Variants in KCNK10 observed in about 807,000 individuals in gnomAD.
KCNK10 encodes the protein potassium channel subfamily K member 10.
KCNK10 carries 25 observed loss-of-function variants against 47.7 expected under a neutral mutation model. The ratio of observed to expected loss-of-function variants is 0.52; its 90% CI spans 0.38 to 0.73. The LOEUF is 0.73. Among genes scored for constraint, KCNK10 ranks in the 30% least tolerant of loss-of-function variants. The pLI is 0.00. For synonymous variants in KCNK10, 303 were observed against 285.6 expected, an observed-to-expected ratio of 1.06 and a Z score of -0.61; for missense variants, 563 against 714.5, an observed-to-expected ratio of 0.79 and a Z score of 2.42.
intron 3 of KCNK10, among the ~76,000 whole-genome samples, chr14:88,239,515 CT>C (rs1427947943): frequency 1.3e-5 from 2 of 152,306 alleles, no homozygotes; most frequent in African/African-American, 2.4e-5. Context: ...CGAATACATG[CT>C]GGTTAACGAA....
In KCNK10 at chr14:88,272,280, G is replaced by A. The variant is rs995706084; in HGVS notation, c.53-8729C>T. Reference sequence around the variant, plus strand: ...ATTATTAGGAGGTGAAGAAAACTACGTGTTCTATGCAAGCAAATGCAACAA... The same window carrying A: ...ATTATTAGGAGGTGAAGAAAACTACATGTTCTATGCAAGCAAATGCAACAA... On this transcript the variant is annotated intron_variant, in intron 1 of 6. Coordinates refer to ENST00000319231, the MANE Select transcript of KCNK10 (RefSeq NM_138317.3). 3.3e-5 allele frequency among the ~76,000 whole-genome samples: 5 copies of A among 152,320 alleles called. No homozygotes were observed. In the East Asian group the frequency reaches 5.8e-4, roughly 18 times the overall value.
chr14:88,204,030 GACAAAGGATATTT>G (rs1271475594), intron 4 of KCNK10, among the ~76,000 whole-genome samples: 1 of 152,126 alleles, frequency 6.6e-6, no homozygotes, highest in East Asian at 1.9e-4. Context: ...GATTTCTTTG[GACAAAGGATATTT>G]ACAGGATTTT....
intron 4 of KCNK10, among the ~76,000 whole-genome samples, chr14:88,195,652 C>T (rs1467895113): frequency 6.6e-6 from 1 of 152,118 alleles, no homozygotes; most frequent in Non-Finnish European, 1.5e-5. Flanking sequence ...AGTCGCAGCT[C>T]ACAATCTTGG....
At chr14:88,218,757 G>T (rs1885704525) in intron 4 of KCNK10, among the ~76,000 whole-genome samples, 1 of 152,010 alleles carries the variant, frequency 6.6e-6, no homozygotes, top group Non-Finnish European at 1.5e-5. Flanking sequence ...TAATCAGCCT[G>T]GCCCAGCAAG....
rs369459656 is a variant in KCNK10, at chr14:88,263,529, C to A, written c.75G>T (p.Pro25=). The change falls in exon 2 of 7, where the codon CCG becomes CCT. Residue 25 remains proline (P), a synonymous_variant. Coordinates refer to ENST00000319231, the MANE Select transcript of KCNK10 (RefSeq NM_138317.3). ...DPKVAVPAAA[P]VCQPKSATNG... Reference sequence around the variant, plus strand: ...TAGTGGCGCTCTTGGGCTGGCACACCGGTGCTGCTGCGGGAACGGCCACTG... The same window carrying A: ...TAGTGGCGCTCTTGGGCTGGCACACAGGTGCTGCTGCGGGAACGGCCACTG... The A allele has an allele frequency of 6.2e-7, 1 of 1,612,064 alleles. No individual in the cohort carries two copies. The highest frequency in any genetic ancestry group is 8.5e-7 in the Non-Finnish European group (1 of 1,179,834).
intron 4 of KCNK10, among the ~76,000 whole-genome samples, chr14:88,217,829 T>G (rs1269033179): frequency 6.6e-6 from 1 of 151,998 alleles, no homozygotes; most frequent in African/African-American, 2.4e-5. Flanking sequence ...TTCAAGTGAT[T>G]CTCCTGCCTC....
intron 1 of KCNK10, among the ~76,000 whole-genome samples, chr14:88,303,883 C>T (rs968663762): frequency 2.0e-5 from 3 of 152,156 alleles, no homozygotes; most frequent in African/African-American, 7.2e-5. Flanking sequence ...TCCTGAATCG[C>T]ACACTCAAGT....
In KCNK10 at chr14:88,323,099, A is replaced by C; in HGVS notation, c.-301T>G. On this transcript the variant is annotated 5_prime_UTR_variant, in exon 1 of 7. Transcript: ENST00000319231. ...AGGATGGAGAGGAAGGCTTGGGGAG[A>C]TGGAAGAGCCAAGCTGCTTCCCAAA... The C allele has an allele frequency of 8.2e-7, 1 of 1,212,320 alleles. No individual in the cohort carries two copies. The allele number at this position is 1,212,320 out of a possible 1,614,324, so 75.1% of individuals were successfully genotyped here.
rs1037145086 is a variant in KCNK10, at chr14:88,180,388, T to C, written c.*5147A>G. ...TGTCACTGGGTCCCCTGTCTGTGACTCTGGGATGGGAAGGAGGCCAGAGGC... is the reference window on the plus strand; with the variant it reads ...TGTCACTGGGTCCCCTGTCTGTGACCCTGGGATGGGAAGGAGGCCAGAGGC... On this transcript the variant is annotated 3_prime_UTR_variant, in exon 7 of 7. Transcript: ENST00000319231. The C allele has an allele frequency of 6.1e-6, 1 of 162,602 alleles. No homozygotes were observed. Among genetic ancestry groups the C allele is most frequent in the African/African-American group, 2.4e-5 (1 of 41,852 alleles). 10.1% of individuals were successfully genotyped at this position (162,602 alleles called of 1,614,324 possible). A position where few individuals can be genotyped will look rare whatever the true frequency, so the allele number is the denominator to read the frequency against.
intron 1 of KCNK10, among the ~76,000 whole-genome samples, chr14:88,310,702 C>A (rs1327169089): frequency 6.6e-6 from 1 of 152,152 alleles, no homozygotes. Flanking sequence ...TTTTGGGAGG[C>A]CTTCCAAGCT....
rs1353361503 is a variant in KCNK10 at position 88,252,488 on chromosome 14, T to G, written c.402+10714A>C. Among the ~76,000 whole-genome samples, 4 of 152,150 alleles carry G rather than the reference T, an allele frequency of 2.6e-5. No homozygotes were observed. The East Asian group carries it at 7.7e-4, about 29-fold the overall frequency. On this transcript the variant is annotated intron_variant, in intron 2 of 6. Coordinates refer to ENST00000319231, the MANE Select transcript of KCNK10 (RefSeq NM_138317.3). The stretch of plus-strand genomic sequence containing the variant: ...GGCAGAGCCACAGCCTTGGGAAATG[T>G]TTATGGGTCATGCAAATTACCAAGG...
rs1888574750 is a variant in KCNK10 at position 88,322,770 on chromosome 14, T to G, written c.29A>C (p.Lys10Thr). The G allele has an allele frequency of 6.2e-7, 1 of 1,614,040 alleles. No individual in the cohort carries two copies. Among genetic ancestry groups the G allele is most frequent in the Non-Finnish European group, 8.5e-7 (1 of 1,180,028 alleles). The change falls in exon 1 of 7, where the codon AAA (lysine) becomes ACA (threonine). Residue 10 changes from lysine to threonine, a missense_variant. Physicochemically the swap from Lys to Thr is moderately conservative, Grantham distance 78. Transcript: ENST00000319231. This position sits in a 1 kb window ranked among gnomAD's most constrained non-coding sequence, Gnocchi z 4.8. MKFPIETPR[K>T]QVNWDPKVAV... is the part of the protein sequence containing the mutation. The stretch of plus-strand genomic sequence containing the variant: ...ACCTTTAGGATCCCAGTTCACCTGT[T>G]TTCTTGGCGTCTCGATTGGAAATTT...
intron 2 of KCNK10, among the ~76,000 whole-genome samples, chr14:88,261,158 G>A (rs1411346667): frequency 2.0e-5 from 3 of 152,206 alleles, no homozygotes; most frequent in African/African-American, 7.2e-5. Context: ...TAGGTCACAT[G>A]TGGAGGAAAA....
At chr14:88,261,861 T>G (rs1887122293) in intron 2 of KCNK10, among the ~76,000 whole-genome samples, 3 of 152,252 alleles carry the variant, frequency 2.0e-5, no homozygotes, top group Admixed American at 2.0e-4. Flanking sequence ...AACATTTTAT[T>G]TTTTTGAGAA....
upstream of KCNK10, among the ~76,000 whole-genome samples, chr14:88,324,408 C>T (rs1311248352): frequency 6.6e-6 from 1 of 152,200 alleles, no homozygotes; most frequent in South Asian, 2.1e-4. Flanking sequence ...AGTAGGTGCT[C>T]AAGAAATACT....
chr14:88,318,446 T>C (rs181343907), intron 1 of KCNK10, among the ~76,000 whole-genome samples: 17 of 152,294 alleles, frequency 1.1e-4, no homozygotes, highest in Admixed American at 6.5e-5. Flanking sequence ...TCATGACAAG[T>C]GCCAGTAAGA....
Position 88,322,408 on chromosome 14 carries a change from G to GAC in KCNK10, c.52+337_52+338dup, listed in dbSNP as rs35179933. On this transcript the variant is annotated intron_variant, in intron 1 of 6. Coordinates refer to ENST00000319231, the MANE Select transcript of KCNK10 (RefSeq NM_138317.3). This position sits in a 1 kb window ranked among gnomAD's most constrained non-coding sequence, Gnocchi z 4.8. ...GAGACAAAGATCACCAGAAACAAAG[G>GAC]ACACACACACACACACACACACACA... Among the ~76,000 whole-genome samples, 5,976 of 150,102 alleles carry GAC rather than the reference G, an allele frequency of 0.04. 201 individuals are homozygous for GAC. Among genetic ancestry groups the GAC allele is most frequent in the East Asian group, 0.15 (756 of 5,020 alleles).
intron 3 of KCNK10, among the ~76,000 whole-genome samples, chr14:88,231,120 A>C (rs762781686): frequency 6.6e-6 from 1 of 151,862 alleles, no homozygotes; most frequent in Non-Finnish European, 1.5e-5. Context: ...ACAAAAAAAA[A>C]ATTTTTTTAA....
At chr14:88,304,487 C>T (rs1375051371) in intron 1 of KCNK10, among the ~76,000 whole-genome samples, 2 of 152,182 alleles carry the variant, frequency 1.3e-5, no homozygotes, top group African/African-American at 4.8e-5. Context: ...TGGTGTTCTG[C>T]AGTCATTCGC....
Sources: allele counts gnomAD v4.1 joint callset (sites outside exome capture counted in the v4.1 genomes callset), GRCh38; gene constraint gnomAD v4.1.1; non-coding constraint Gnocchi (gnomAD v3.1); transcripts MANE v1.5; gene names NCBI Gene and HGNC (gene_info 2026-07-23, HGNC 2026-07-21).